RNF130: variants seen among roughly 807,000 people sequenced by gnomAD.
RNF130 encodes ring finger protein 130, also known as E3 ubiquitin-protein ligase RNF130.
Under a neutral mutation model 44.6 loss-of-function variants are expected in RNF130, and 21 were observed. The ratio of observed to expected loss-of-function variants is 0.47; its 90% CI spans 0.33 to 0.68. The LOEUF is 0.68. Among genes scored for constraint, RNF130 ranks in the 30% least tolerant of loss-of-function variants. RNF130 has a pLI of 0.02. For synonymous variants in RNF130, 214 were observed against 210.4 expected (o/e 1.02, Z -0.15); for missense variants, 479 against 560.6 (o/e 0.85, Z 1.47).
intron 1 of RNF130, among the ~76,000 whole-genome samples, chr5:180,043,406 A>G (rs917363231): frequency 6.6e-6 from 1 of 152,032 alleles, no homozygotes; most frequent in African/African-American, 2.4e-5. Flanking sequence ...CATTCATCCT[A>G]TGTTGTCTTG....
chr5:180,004,483 C>G (rs1763419125), intron 3 of RNF130, among the ~76,000 whole-genome samples: 1 of 152,160 alleles, frequency 6.6e-6, no homozygotes, highest in Non-Finnish European at 1.5e-5. Flanking sequence ...ATCTCCTTTC[C>G]ACTTCAGTTC....
At chr5:179,980,098 T>C (rs1206733024) in intron 4 of RNF130, 31 bp downstream of exon 4, 1 of 1,600,278 alleles carries the variant, frequency 6.2e-7, no homozygotes, top group Non-Finnish European at 8.6e-7. Flanking sequence ...TGGATTACTT[T>C]TACGGTGCTG....
At chr5:179,955,716 A>C in intron 8 of RNF130, 47 bp from the exon 9 acceptor site, 1 of 1,468,520 alleles carries the variant, frequency 6.8e-7, no homozygotes, top group Non-Finnish European at 9.3e-7. Flanking sequence ...AGAGTAGTCA[A>C]ATGTTTAAAA....
At chr5:180,055,269 A>AC (rs1561709626) in intron 1 of RNF130, among the ~76,000 whole-genome samples, 2 of 20,674 alleles carry the variant, frequency 9.7e-5, no homozygotes, top group Non-Finnish European at 2.4e-4. Context: ...AAAAAAAAAA[A>AC]AAAAAAAAAA....
chr5:179,974,896 G>A (rs935058842), intron 5 of RNF130, among the ~76,000 whole-genome samples: 13 of 152,376 alleles, frequency 8.5e-5, no homozygotes, highest in South Asian at 2.1e-4. Flanking sequence ...CTGCGCACCC[G>A]GGTCAGCACG....
intron 8 of RNF130, among the ~76,000 whole-genome samples, chr5:179,961,808 C>A (rs1218687911): frequency 6.6e-6 from 1 of 152,154 alleles, no homozygotes; most frequent in Non-Finnish European, 1.5e-5. Flanking sequence ...TCCCACTTCA[C>A]AGAAGAAATT....
intron 3 of RNF130, among the ~76,000 whole-genome samples, chr5:180,000,031 T>C (rs1369854895): frequency 6.6e-6 from 1 of 152,226 alleles, no homozygotes; most frequent in African/African-American, 2.4e-5. Flanking sequence ...TCTCTACCAG[T>C]GACTTTCATA....
intron 7 of RNF130, among the ~76,000 whole-genome samples, chr5:179,938,292 A>G (rs767100155): frequency 5.9e-5 from 9 of 152,092 alleles, no homozygotes; most frequent in Non-Finnish European, 1.3e-4. Flanking sequence ...ATGGTAAGTG[A>G]AAGAGGCCAA....
rs1331107658 is a variant in RNF130 at position 180,015,502 on chromosome 5, GGGAAAGGAGTA to G, written c.443-2202_443-2192del. 6.5e-4 allele frequency: 160 copies of G among 246,854 alleles called. 8 individuals carry two copies. The highest frequency in any genetic ancestry group is 4.6e-3 in the African/African-American group (130 of 28,054). The allele number at this position is 246,854 out of a possible 1,614,324, so 15.3% of individuals were successfully genotyped here. A position where few individuals can be genotyped will look rare whatever the true frequency, so the allele number is the denominator to read the frequency against. On this transcript the variant is annotated intron_variant, in intron 2 of 8. Coordinates refer to ENST00000521389, the MANE Select transcript of RNF130 (RefSeq NM_018434.6). ...TAGGGAAAGGAGTAGGAAAGGAGTA[GGGAAAGGAGTA>G]GGAAAGGAGTAGGGAAAGGAGTAGG...
chr5:180,065,275 C>T (rs1182109327), intron 1 of RNF130, among the ~76,000 whole-genome samples: 1 of 152,094 alleles, frequency 6.6e-6, no homozygotes, highest in African/African-American at 2.4e-5. Context: ...AGAAATGTCA[C>T]CCATTATCTA....
intron 1 of RNF130, among the ~76,000 whole-genome samples, chr5:180,050,269 T>TG (rs1764657682): frequency 6.6e-6 from 1 of 152,202 alleles, no homozygotes. Flanking sequence ...GCAGAGCCGA[T>TG]GGAGTTCCAG....
intron 7 of RNF130, among the ~76,000 whole-genome samples, chr5:179,943,816 T>C (rs889945492): frequency 1.3e-5 from 2 of 152,196 alleles, no homozygotes; most frequent in Non-Finnish European, 2.9e-5. Context: ...AGTTGCAACA[T>C]GTTGACTGAT....
At position 179,967,511 on chromosome 5, in the gene RNF130, T is replaced by C. The variant is rs1762477844; in HGVS notation, c.946-501A>G. On this transcript the variant is annotated intron_variant, in intron 6 of 8. Coordinates refer to ENST00000521389, the MANE Select transcript of RNF130 (RefSeq NM_018434.6). The stretch of plus-strand genomic sequence containing the variant: ...GCATAAAACCAAGAATAGGTCAAAG[T>C]TGAAAAGACTTTTGAACTATAAGAA... 2.0e-5 allele frequency among the ~76,000 whole-genome samples: 3 copies of C among 152,204 alleles called. No homozygotes were observed. In the South Asian group the frequency reaches 6.2e-4, roughly 32 times the overall value.
chr5:180,010,232 G>A (rs1763560081), intron 3 of RNF130, among the ~76,000 whole-genome samples: 1 of 102,380 alleles, frequency 9.8e-6, no homozygotes, highest in African/African-American at 4.0e-5. Context: ...CGGCGACAGT[G>A]AGACTACATC....
rs866280815 is a variant in RNF130, at chr5:179,977,659, C to T, written c.848+544G>A. Among the ~76,000 whole-genome samples, 1 of 152,166 alleles carries T rather than the reference C, an allele frequency of 6.6e-6. No individual in the cohort carries two copies. The highest frequency in any genetic ancestry group is 1.5e-5 in the Non-Finnish European group (1 of 68,032). ...CCTGAGGTCAGGAGTTCAAGACCAA[C>T]TGGCCAACATGATGAAACCCCGTCT... is the stretch of plus-strand genomic sequence containing the variant. On this transcript the variant is annotated intron_variant, in intron 5 of 8. Transcript: ENST00000521389. This position sits in a 1 kb window ranked among gnomAD's most constrained non-coding sequence, Gnocchi z 4.1.
chr5:179,941,127 G>T (rs1262124392), intron 7 of RNF130, among the ~76,000 whole-genome samples: 1 of 152,096 alleles, frequency 6.6e-6, no homozygotes, highest in Non-Finnish European at 1.5e-5. Context: ...CTAATAGTTA[G>T]ATTTCTTGTG....
At chr5:180,012,364 C>G (rs1035324815) in intron 3 of RNF130, among the ~76,000 whole-genome samples, 5 of 152,148 alleles carry the variant, frequency 3.3e-5, no homozygotes, top group African/African-American at 1.2e-4. Context: ...AGGAGAGGGA[C>G]CTAACACCTG....
chr5:179,974,602 G>A (rs916644104), intron 5 of RNF130, among the ~76,000 whole-genome samples: 4 of 152,244 alleles, frequency 2.6e-5, no homozygotes, highest in Admixed American at 2.6e-4. Flanking sequence ...AAGGAAAGAT[G>A]GACACGAGGG....
At chr5:179,989,633 T>C (rs1199439799) in intron 3 of RNF130, among the ~76,000 whole-genome samples, 4 of 152,222 alleles carry the variant, frequency 2.6e-5, no homozygotes, top group Non-Finnish European at 5.9e-5. Flanking sequence ...AGTCGATCTG[T>C]GTGTCTAGGT....
Sources: gnomAD v4.1 joint callset for allele counts (sites outside exome capture counted in the v4.1 genomes callset) on GRCh38, gnomAD v4.1.1 for gene constraint, Gnocchi (gnomAD v3.1) non-coding constraint, MANE v1.5 for transcripts, NCBI Gene and HGNC (gene_info 2026-07-23, HGNC 2026-07-21) for gene names.